Variants in BLCAP observed in about 807,000 individuals in gnomAD.
The protein encoded by BLCAP is apoptosis inducing factor BLCAP.
In BLCAP, 1 loss-of-function variant was observed where a neutral mutation model predicts 5.7. That is an observed-to-expected ratio of 0.18 (90% CI 0.06 to 0.83). The LOEUF (loss-of-function observed/expected upper bound fraction) is 0.83. BLCAP is among the 40% of genes least tolerant of loss of function. The pLI is 0.71. For missense variants in BLCAP, 66 were observed against 107.6 expected (o/e 0.61, Z 1.71); for synonymous variants, 48 against 49.4 (o/e 0.97, Z 0.11).
intron 1 of BLCAP, among the ~76,000 whole-genome samples, chr20:37,524,074 G>T (rs992715728): frequency 1.3e-5 from 2 of 152,154 alleles, no homozygotes; most frequent in Non-Finnish European, 2.9e-5. Flanking sequence ...GGACCAAGGG[G>T]GTGATTTCAG....
At chr20:37,525,070 C>G (rs1302516619) in intron 1 of BLCAP, among the ~76,000 whole-genome samples, 2 of 152,158 alleles carry the variant, frequency 1.3e-5, no homozygotes, top group Non-Finnish European at 2.9e-5. Flanking sequence ...TGAGGCAGGT[C>G]TCCTCTCGCC....
chr20:37,525,606 T>G (rs1289736398), intron 1 of BLCAP, among the ~76,000 whole-genome samples: 7 of 152,200 alleles, frequency 4.6e-5, no homozygotes. Flanking sequence ...CAAAACTTCA[T>G]GTTCTGGCAG....
chr20:37,526,971 G>C (rs1286463148), intron 1 of BLCAP: 4 of 152,188 alleles, frequency 2.6e-5, no homozygotes, highest in African/African-American at 9.7e-5. Context: ...TTCCCTGAAA[G>C]GGATAGACGA....
Position 37,519,177 on chromosome 20 carries a change from T to C in BLCAP, c.-3A>G, listed in dbSNP as rs1312265426. 3.2e-6 allele frequency: 5 copies of C among 1,578,596 alleles called. No homozygotes were observed. In the African/African-American group the frequency reaches 5.4e-5, roughly 17 times the overall value. The stretch of plus-strand genomic sequence containing the variant: ...AGCAGCCACTGGAGGCAATACATGA[T>C]CTCTGCCGGGCAGGGCCTTCACCAA... On this transcript the variant is annotated 5_prime_UTR_variant, in exon 2 of 2. Coordinates refer to ENST00000373537, the MANE Select transcript of BLCAP (RefSeq NM_006698.4).
intron 1 of BLCAP, among the ~76,000 whole-genome samples, chr20:37,526,257 A>T (rs957302658): frequency 6.6e-6 from 1 of 150,836 alleles, no homozygotes; most frequent in Non-Finnish European, 1.5e-5. Context: ...GAGATTCTGA[A>T]TTTGCAGTTA....
intron 1 of BLCAP, chr20:37,526,963 C>A (rs1245048499): frequency 6.6e-6 from 1 of 152,190 alleles, no homozygotes; most frequent in African/African-American, 2.4e-5. Context: ...CACACCAGTT[C>A]CCTGAAAGGG....
intron 1 of BLCAP, chr20:37,522,857 T>C (rs1190204195): frequency 1.8e-6 from 2 of 1,133,486 alleles, no homozygotes; most frequent in Non-Finnish European, 2.5e-6. Context: ...TGGGGTCCCC[T>C]GTGTTCCCTC....
chr20:37,521,314 C>G lies in BLCAP; in HGVS notation c.-176-1964G>C. 1.9e-6 allele frequency: 3 copies of G among 1,613,654 alleles called. No homozygotes were observed. Among genetic ancestry groups the G allele is most frequent in the Non-Finnish European group, 2.5e-6 (3 of 1,179,562 alleles). ...GCAAACCCTCTTTCTCGACCACCCA[C>G]CTACCATTCTTGGAACCATGGCGGC... On this transcript the variant is annotated intron_variant, in intron 1 of 1. Coordinates refer to ENST00000373537, the MANE Select transcript of BLCAP (RefSeq NM_006698.4). This position sits in a 1 kb window ranked among gnomAD's most constrained non-coding sequence, Gnocchi z 4.5.
intron 1 of BLCAP, among the ~76,000 whole-genome samples, chr20:37,526,363 C>G (rs1290198804): frequency 7.0e-6 from 1 of 143,316 alleles, no homozygotes; most frequent in Non-Finnish European, 1.5e-5. Context: ...AATCTCTTTT[C>G]CCCCCGGTAA....
intron 1 of BLCAP, chr20:37,522,595 T>A: frequency 1.1e-6 from 1 of 910,444 alleles, no homozygotes; most frequent in Non-Finnish European, 1.5e-6. Flanking sequence ...GGGGCGGGGG[T>A]GGGCACGGCA....
In BLCAP at chr20:37,521,282, G is replaced by A; in HGVS notation, c.-176-1932C>T. The A allele has an allele frequency of 2.5e-6, 4 of 1,593,652 alleles. No individual in the cohort carries two copies. Among genetic ancestry groups the A allele is most frequent in the Non-Finnish European group, 3.4e-6 (4 of 1,161,642 alleles). ...CCAACAGCGGACTCCGAGACCAGCG[G>A]ATCTCGGCAAACCCTCTTTCTCGAC... On this transcript the variant is annotated intron_variant, in intron 1 of 1. Coordinates refer to ENST00000373537, the MANE Select transcript of BLCAP (RefSeq NM_006698.4). This position sits in a 1 kb window ranked among gnomAD's most constrained non-coding sequence, Gnocchi z 4.5.
At chr20:37,519,586 G>A (rs1478322213) in intron 1 of BLCAP, among the ~76,000 whole-genome samples, 1 of 152,178 alleles carries the variant, frequency 6.6e-6, no homozygotes, top group African/African-American at 2.4e-5. Context: ...TGTCTCCCCG[G>A]GGCTTCTCCT....
chr20:37,524,176 A>G (rs1389148132), intron 1 of BLCAP, among the ~76,000 whole-genome samples: 5 of 152,102 alleles, frequency 3.3e-5, no homozygotes, highest in East Asian at 3.9e-4. Context: ...TGAGTATGGG[A>G]TAAGAGGTGC....
intron 1 of BLCAP, among the ~76,000 whole-genome samples, chr20:37,524,113 C>A (rs145542462): frequency 6.6e-6 from 1 of 152,170 alleles, no homozygotes; most frequent in Non-Finnish European, 1.5e-5. Context: ...AGGTCTCCAT[C>A]CAGGAGCCCC....
intron 1 of BLCAP, among the ~76,000 whole-genome samples, chr20:37,524,190 G>A (rs535937052): frequency 2.6e-5 from 4 of 152,234 alleles, no homozygotes; most frequent in Admixed American, 1.3e-4. Context: ...GAGGTGCAGC[G>A]TGGCGCCTTC....
chr20:37,525,455 C>T (rs1196153109), intron 1 of BLCAP, among the ~76,000 whole-genome samples: 1 of 152,224 alleles, frequency 6.6e-6, no homozygotes, highest in East Asian at 1.9e-4. Context: ...AAGCCCTTTT[C>T]CTCCATCCGT....
Position 37,521,410 on chromosome 20 carries a change from C to G in BLCAP, c.-176-2060G>C, listed in dbSNP as rs370754902. On this transcript the variant is annotated intron_variant, in intron 1 of 1. Coordinates refer to ENST00000373537, the MANE Select transcript of BLCAP (RefSeq NM_006698.4). The surrounding 1 kb of genome is among the most constrained non-coding windows in gnomAD (Gnocchi z 4.5). Reference sequence around the variant, plus strand: ...CTTCCGCGTGCTGCTGCAGGTAAGTCTGACGGGGTTTCGGGTGGGAGAGGG... The same window carrying G: ...CTTCCGCGTGCTGCTGCAGGTAAGTGTGACGGGGTTTCGGGTGGGAGAGGG... The G allele has an allele frequency of 1.2e-4, 201 of 1,613,954 alleles. No homozygotes were observed. Among genetic ancestry groups the G allele is most frequent in the Non-Finnish European group, 1.6e-4 (194 of 1,179,924 alleles).
intron 1 of BLCAP, among the ~76,000 whole-genome samples, chr20:37,524,784 C>T (rs1006120414): frequency 6.6e-5 from 10 of 152,144 alleles, no homozygotes; most frequent in Admixed American, 2.0e-4. Flanking sequence ...AAACTTCATT[C>T]GGTATCAGAG....
Position 37,521,540 on chromosome 20 carries a change from G to A in BLCAP, c.-176-2190C>T. On this transcript the variant is annotated intron_variant, in intron 1 of 1. Transcript: ENST00000373537. This position sits in a 1 kb window ranked among gnomAD's most constrained non-coding sequence, Gnocchi z 4.5. ...GATCCTTGCCTGCCCAAGTGCCGCT[G>A]CCGGCACCGCGCGCCCCCTGCCCAT... The A allele has an allele frequency of 1.2e-6, 1 of 861,608 alleles. No individual in the cohort carries two copies. Among genetic ancestry groups the A allele is most frequent in the Non-Finnish European group, 1.9e-6 (1 of 536,942 alleles). 53.4% of individuals were successfully genotyped at this position (861,608 alleles called of 1,614,324 possible).
Sources: gnomAD v4.1 joint callset for allele counts (sites outside exome capture counted in the v4.1 genomes callset) on GRCh38, gnomAD v4.1.1 for gene constraint, Gnocchi (gnomAD v3.1) non-coding constraint, MANE v1.5 for transcripts, NCBI Gene and HGNC (gene_info 2026-07-23, HGNC 2026-07-21) for gene names.